The following LRRC4C variants were observed in gnomAD, a reference collection of about 807,000 sequenced individuals.
LRRC4C encodes the protein leucine-rich repeat-containing protein 4C.
A neutral mutation model predicts 33.6 loss-of-function variants in LRRC4C; 5 were observed. That is an observed-to-expected ratio of 0.15 (90% CI 0.08 to 0.31). The LOEUF (loss-of-function observed/expected upper bound fraction) is 0.31, where lower values mean the gene tolerates loss of function less well. Among genes scored for constraint, LRRC4C ranks in the 10% least tolerant of loss-of-function variants. The probability of loss-of-function intolerance (pLI) is 1.00; values close to 1 mark genes in which losing one functional copy is unlikely to be tolerated. For synonymous variants in LRRC4C, 329 were observed against 302.0 expected (o/e 1.09, Z -0.93); for missense variants, 560 against 796.7 (o/e 0.70, Z 3.58).
At chr11:41,114,195 A>G (rs7951523) in intron 1 of LRRC4C, among the ~76,000 whole-genome samples, 28,024 of 152,016 alleles carry the variant, frequency 0.18, 2,629 homozygotes, top group Middle Eastern at 0.2. Context: ...CTGGAATACT[A>G]TAAAATCAAC....
chr11:40,586,460 C>A (rs1447403730), intron 3 of LRRC4C, among the ~76,000 whole-genome samples: 1 of 148,830 alleles, frequency 6.7e-6, no homozygotes, highest in Non-Finnish European at 1.5e-5. Context: ...TTTTGCTGTG[C>A]AGAAGCTCTT....
At chr11:41,249,371 A>G (rs1189250453) in intron 1 of LRRC4C, among the ~76,000 whole-genome samples, 1 of 152,068 alleles carries the variant, frequency 6.6e-6, no homozygotes, top group Admixed American at 6.5e-5. Flanking sequence ...CTTGCAAGAG[A>G]CTTCTAACCA....
intron 3 of LRRC4C, among the ~76,000 whole-genome samples, chr11:40,533,684 C>T (rs1224156778): frequency 6.6e-6 from 1 of 152,130 alleles, no homozygotes; most frequent in Admixed American, 6.6e-5. Flanking sequence ...GTCAGAGAAG[C>T]TATCTCAACG....
At chr11:41,256,943 C>A (rs767538616) in intron 1 of LRRC4C, among the ~76,000 whole-genome samples, 4 of 151,922 alleles carry the variant, frequency 2.6e-5, no homozygotes, top group Non-Finnish European at 5.9e-5. Context: ...ACCAAACATG[C>A]AAGATGATCA....
intron 3 of LRRC4C, among the ~76,000 whole-genome samples, chr11:40,358,966 T>C (rs1260377912): frequency 6.6e-6 from 1 of 151,240 alleles, no homozygotes; most frequent in Non-Finnish European, 1.5e-5. Context: ...CAAACAATCA[T>C]AAATAGTTTA....
intron 1 of LRRC4C, among the ~76,000 whole-genome samples, chr11:41,051,520 C>CAAAAAAAATAAAAAAAAA (rs1858208441): frequency 1.7e-5 from 1 of 60,288 alleles, no homozygotes; most frequent in Non-Finnish European, 2.8e-5. Flanking sequence ...GGTCTCAAGG[C>CAAAAAAAATAAAAAAAAA]AAAAAAAAAA....
chr11:40,362,817 T>C (rs1182694762), intron 3 of LRRC4C, among the ~76,000 whole-genome samples: 1 of 152,200 alleles, frequency 6.6e-6, no homozygotes, highest in African/African-American at 2.4e-5. Flanking sequence ...ATGAAAATGC[T>C]CAACATCACT....
intron 3 of LRRC4C, among the ~76,000 whole-genome samples, chr11:40,455,926 T>A (rs896174955): frequency 2.0e-5 from 3 of 152,138 alleles, no homozygotes; most frequent in Non-Finnish European, 4.4e-5. Flanking sequence ...AAAGTGGCAT[T>A]GAGATTGATA....
At chr11:40,766,774 C>A (rs142884599) in intron 2 of LRRC4C, among the ~76,000 whole-genome samples, 9 of 147,908 alleles carry the variant, frequency 6.1e-5, no homozygotes, top group African/African-American at 2.2e-4. Flanking sequence ...AAAAAACCTA[C>A]AAGAGATACA....
intron 1 of LRRC4C, among the ~76,000 whole-genome samples, chr11:41,393,762 A>G (rs1953696280): frequency 6.6e-6 from 1 of 151,950 alleles, no homozygotes. Context: ...ATGCTACAGT[A>G]TCCTATCACA....
At chr11:40,717,427 G>A (rs1946785252) in intron 2 of LRRC4C, among the ~76,000 whole-genome samples, 1 of 152,020 alleles carries the variant, frequency 6.6e-6, no homozygotes, top group Non-Finnish European at 1.5e-5. Flanking sequence ...CTACCCCAAA[G>A]ACTCTTTAAA....
At chr11:40,418,472 T>G (rs7946205) in intron 3 of LRRC4C, among the ~76,000 whole-genome samples, 151,077 of 152,322 alleles carry the variant, frequency 0.99, 74,942 homozygotes, top group Middle Eastern at 1. Flanking sequence ...AGATGCTGGC[T>G]AGGCTGTGGA....
At chr11:40,999,087 G>C in intron 1 of LRRC4C, among the ~76,000 whole-genome samples, 1 of 152,066 alleles carries the variant, frequency 6.6e-6, no homozygotes, top group Non-Finnish European at 1.5e-5. Context: ...ACTGCAGATC[G>C]ATGAACACAC....
chr11:41,145,073 A>G (rs1160262572), intron 1 of LRRC4C, among the ~76,000 whole-genome samples: 2 of 152,178 alleles, frequency 1.3e-5, no homozygotes, highest in African/African-American at 4.8e-5. Context: ...AAGGAAAAAT[A>G]AGCATACGTA....
chr11:40,944,939 T>A (rs1385776841), intron 1 of LRRC4C, among the ~76,000 whole-genome samples: 1 of 152,116 alleles, frequency 6.6e-6, no homozygotes, highest in African/African-American at 2.4e-5. Context: ...CATGCCACTA[T>A]GCAAGTTGAG....
intron 6 of LRRC4C, among the ~76,000 whole-genome samples, chr11:40,119,356 T>C (rs1855661596): frequency 6.6e-6 from 1 of 152,184 alleles, no homozygotes; most frequent in South Asian, 2.1e-4. Context: ...GATTCTGAGT[T>C]ACTATTTTTT....
At chr11:40,531,171 T>C (rs180847949) in intron 3 of LRRC4C, among the ~76,000 whole-genome samples, 7 of 152,136 alleles carry the variant, frequency 4.6e-5, no homozygotes, top group African/African-American at 1.7e-4. Flanking sequence ...CACAGCAAAA[T>C]TGAGAGGAAA....
intron 2 of LRRC4C, among the ~76,000 whole-genome samples, chr11:40,824,382 ATT>A (rs1222286019): frequency 6.6e-6 from 1 of 151,946 alleles, no homozygotes; most frequent in Non-Finnish European, 1.5e-5. Flanking sequence ...AGTTATTAAA[ATT>A]AAAATGAAAA....
At chr11:40,196,649 A>G (rs1862284663) in intron 5 of LRRC4C, among the ~76,000 whole-genome samples, 1 of 152,216 alleles carries the variant, frequency 6.6e-6, no homozygotes, top group Non-Finnish European at 1.5e-5. Context: ...TACATTTCTC[A>G]TTGGAAAGGC....
Sources: allele counts gnomAD v4.1 joint callset (sites outside exome capture counted in the v4.1 genomes callset), GRCh38; gene constraint gnomAD v4.1.1; transcripts MANE v1.5; gene names NCBI Gene and HGNC (gene_info 2026-07-23, HGNC 2026-07-21).